THSD7A: variants seen among roughly 807,000 people sequenced by gnomAD.
THSD7A encodes the protein thrombospondin type 1 domain containing 7A, also known as thrombospondin type-1 domain-containing protein 7A.
In THSD7A, 96 loss-of-function variants were observed where a neutral mutation model predicts 231.3. The ratio of observed to expected loss-of-function variants is 0.41; its 90% CI spans 0.35 to 0.49. The LOEUF (loss-of-function observed/expected upper bound fraction) is 0.49, where lower values mean the gene tolerates loss of function less well. THSD7A is among the 20% of genes least tolerant of loss of function. THSD7A has a pLI of 0.05. For missense variants in THSD7A, 2,290 were observed against 2,070.2 expected (o/e 1.11, Z -2.06); for synonymous variants, 940 against 743.3 (o/e 1.26, Z -4.30).
chr7:11,562,549 C>T (rs763395038), intron 4 of THSD7A, among the ~76,000 whole-genome samples: 1 of 151,986 alleles, frequency 6.6e-6, no homozygotes, highest in African/African-American at 2.4e-5. Flanking sequence ...TTTCCTTAAA[C>T]GAACTTATTT....
chr7:11,504,551 CTAGATA>C (rs1425735599), intron 6 of THSD7A, among the ~76,000 whole-genome samples: 1 of 152,098 alleles, frequency 6.6e-6, no homozygotes, highest in African/African-American at 2.4e-5. Flanking sequence ...CAAACACACC[CTAGATA>C]TAATCTGGCC....
At chr7:11,378,571 T>A (rs1782374304) in intron 26 of THSD7A, 1 of 156,970 alleles carries the variant, frequency 6.4e-6, no homozygotes, top group Non-Finnish European at 1.4e-5. Context: ...TCCAAGTATT[T>A]GAGTATGCTG....
chr7:11,601,647 G>A (rs76189798), intron 2 of THSD7A, among the ~76,000 whole-genome samples: 51 of 152,230 alleles, frequency 3.4e-4, no homozygotes, highest in African/African-American at 1.2e-3. Context: ...TCAACCAGAC[G>A]AGCAATGTGT....
chr7:11,568,245 G>C (rs1047773885), intron 4 of THSD7A, among the ~76,000 whole-genome samples: 2 of 152,110 alleles, frequency 1.3e-5, no homozygotes, highest in Non-Finnish European at 2.9e-5. Flanking sequence ...AACAATGAGA[G>C]AACCCACAGC....
At chr7:11,570,014 G>A (rs1328377818) in intron 4 of THSD7A, among the ~76,000 whole-genome samples, 1 of 151,754 alleles carries the variant, frequency 6.6e-6, no homozygotes, top group Non-Finnish European at 1.5e-5. Flanking sequence ...TCTACAAAAA[G>A]TACAAAAATT....
rs1782315783 is a variant in THSD7A at position 11,377,320 on chromosome 7, T to TG, written c.4802-664dup. Among the ~76,000 whole-genome samples, 1 of 152,048 alleles carries TG rather than the reference T, an allele frequency of 6.6e-6. No individual in the cohort carries two copies. The highest frequency in any genetic ancestry group is 1.5e-5 in the Non-Finnish European group (1 of 67,966). ...AGACATAACAGGAACTTTTGTAATT[T>TG]GGGTTTCTGGTCTCATCTTTGAACT... is the stretch of plus-strand genomic sequence containing the variant. On this transcript the variant is annotated intron_variant, in intron 26 of 27. Coordinates refer to ENST00000423059, the MANE Select transcript of THSD7A (RefSeq NM_015204.3). This position sits in a 1 kb window ranked among gnomAD's most constrained non-coding sequence, Gnocchi z 4.5.
intron 3 of THSD7A, among the ~76,000 whole-genome samples, chr7:11,592,138 CAG>C (rs1417905505): frequency 1.3e-5 from 2 of 152,172 alleles, no homozygotes; most frequent in African/African-American, 4.8e-5. Flanking sequence ...CCAGAACAAT[CAG>C]TGGGATAGGC....
intron 6 of THSD7A, among the ~76,000 whole-genome samples, chr7:11,489,461 TG>T (rs1426595254): frequency 6.6e-6 from 1 of 152,110 alleles, no homozygotes; most frequent in Non-Finnish European, 1.5e-5. Flanking sequence ...CCCAGCCTCT[TG>T]CCAGTTTTGC....
At chr7:11,693,968 G>A (rs1318347383) in intron 1 of THSD7A, among the ~76,000 whole-genome samples, 2 of 151,542 alleles carry the variant, frequency 1.3e-5, no homozygotes, top group African/African-American at 2.4e-5. Flanking sequence ...GAATGATTTT[G>A]TTTCCTGGTC....
intron 9 of THSD7A, among the ~76,000 whole-genome samples, chr7:11,463,858 G>C (rs925018645): frequency 1.3e-5 from 2 of 152,092 alleles, no homozygotes; most frequent in Admixed American, 6.6e-5. Context: ...CTATTATATT[G>C]TCAAAATGAC....
chr7:11,736,658 T>G (rs927652140), intron 1 of THSD7A, among the ~76,000 whole-genome samples: 4 of 151,992 alleles, frequency 2.6e-5, no homozygotes, highest in African/African-American at 7.2e-5. Flanking sequence ...TGTTGAAATG[T>G]AAAATAAAGG....
At chr7:11,515,665 A>G (rs1013423825) in intron 6 of THSD7A, among the ~76,000 whole-genome samples, 1 of 152,142 alleles carries the variant, frequency 6.6e-6, no homozygotes, top group African/African-American at 2.4e-5. Flanking sequence ...TTTAGAGATA[A>G]ATAAACCAAG....
At chr7:11,387,518 T>C (rs898863082) in intron 23 of THSD7A, among the ~76,000 whole-genome samples, 2 of 152,120 alleles carry the variant, frequency 1.3e-5, no homozygotes, top group African/African-American at 2.4e-5. Flanking sequence ...TTTTCTGTTA[T>C]TGGTTTATAG....
intron 6 of THSD7A, among the ~76,000 whole-genome samples, chr7:11,509,614 C>T (rs902149432): frequency 6.6e-6 from 1 of 151,236 alleles, no homozygotes; most frequent in South Asian, 2.1e-4. Context: ...GGGTGGATCA[C>T]GAGGTCAGGA....
In THSD7A at chr7:11,831,882, A is replaced by T. The variant is rs1313096960; in HGVS notation, c.65T>A (p.Val22Asp). ...CAGCGGCAGCGGCAGCAGCTGCAGG[A>T]CGCCCCGGCGCGGCCCCGCAGCGCC... ...SRGAAGPRRG[V>D]LQLLPLPLPL... The change falls in exon 1 of 28, where the codon GTC becomes GAC. Residue 22 changes from valine (V) to aspartate (D), a missense_variant. Coordinates refer to ENST00000423059, the MANE Select transcript of THSD7A (RefSeq NM_015204.3). The surrounding 1 kb of genome is among the most constrained non-coding windows in gnomAD (Gnocchi z 5.0). The T allele has an allele frequency of 8.0e-7, 1 of 1,257,518 alleles. No homozygotes were observed. Among genetic ancestry groups the T allele is most frequent in the African/African-American group, 1.6e-5 (1 of 64,270 alleles). The allele number at this position is 1,257,518 out of a possible 1,614,324, so 77.9% of individuals were successfully genotyped here.
At chr7:11,717,849 A>G (rs1425906873) in intron 1 of THSD7A, among the ~76,000 whole-genome samples, 2 of 151,632 alleles carry the variant, frequency 1.3e-5, no homozygotes, top group Admixed American at 1.3e-4. Flanking sequence ...TCAATGATCC[A>G]AGATATATCT....
chr7:11,769,613 C>A (rs12112467), intron 1 of THSD7A, among the ~76,000 whole-genome samples: 1 of 151,908 alleles, frequency 6.6e-6, no homozygotes, highest in East Asian at 1.9e-4. Context: ...GTATTCACAC[C>A]CAGACATTCA....
intron 1 of THSD7A, among the ~76,000 whole-genome samples, chr7:11,677,170 C>T (rs1219388025): frequency 2.0e-5 from 3 of 152,044 alleles, no homozygotes; most frequent in Non-Finnish European, 4.4e-5. Context: ...CCAAACTAAG[C>T]TTCATGAGTG....
Position 11,727,037 on chromosome 7 carries a change from C to T in THSD7A, c.191-90076G>A, listed in dbSNP as rs115769762. Among the ~76,000 whole-genome samples, 369 of 152,098 alleles carry T rather than the reference C, an allele frequency of 2.4e-3. 2 individuals are homozygous for T. The highest frequency in any genetic ancestry group is 8.5e-3 in the African/African-American group (352 of 41,560). ...AGCAAGAGTTCCCAGGCTCACTTCACAGGCATCCAAATTACTTTTGCATTT... is the reference window on the plus strand; with the variant it reads ...AGCAAGAGTTCCCAGGCTCACTTCATAGGCATCCAAATTACTTTTGCATTT... On this transcript the variant is annotated intron_variant, in intron 1 of 27. Coordinates refer to ENST00000423059, the MANE Select transcript of THSD7A (RefSeq NM_015204.3).
Sources: gnomAD v4.1 joint callset for allele counts (sites outside exome capture counted in the v4.1 genomes callset) on GRCh38, gnomAD v4.1.1 for gene constraint, Gnocchi (gnomAD v3.1) non-coding constraint, MANE v1.5 for transcripts, NCBI Gene and HGNC (gene_info 2026-07-23, HGNC 2026-07-21) for gene names.